Variants in TSPAN6 observed in about 807,000 individuals in gnomAD.
The protein encoded by TSPAN6 is tetraspanin 6.
In TSPAN6, 13 loss-of-function variants were observed where a neutral mutation model predicts 18.0. The observed-to-expected ratio is 0.72, with a 90% CI of 0.47 to 1.15. The LOEUF is 1.15. Among genes scored for constraint, TSPAN6 ranks in the 50% most tolerant of loss-of-function variants. The probability of loss-of-function intolerance (pLI) is 0.00; values close to 1 mark genes in which losing one functional copy is unlikely to be tolerated. For synonymous variants in TSPAN6, 82 were observed against 67.0 expected, an observed-to-expected ratio of 1.22 and a Z score of -1.09; for missense variants, 186 against 183.9, an observed-to-expected ratio of 1.01 and a Z score of -0.07.
In TSPAN6 at chrX:100,635,257, A is replaced by T; in HGVS notation, c.277-5T>A. 8.5e-7 allele frequency: 1 copy of T among 1,171,597 alleles called. No homozygotes were observed. Among genetic ancestry groups the T allele is most frequent in the Non-Finnish European group, 1.2e-6 (1 of 865,704 alleles). The stretch of plus-strand genomic sequence containing the variant: ...GAGAGTCAGAAACATTGCATACTGC[A>T]GGATAAGAAAGAAAGTCCAAGTCAG... On this transcript the variant is annotated splice_region_variant and splice_polypyrimidine_tract_variant and intron_variant, in intron 2 of 7. Coordinates refer to ENST00000373020, the MANE Select transcript of TSPAN6 (RefSeq NM_003270.4).
chrX:100,635,394 T>C, intron 2 of TSPAN6, 142 bp from the exon 3 acceptor site: 1 of 648,608 alleles, frequency 1.5e-6, no homozygotes, highest in South Asian at 3.2e-5. Context: ...TAACAACATG[T>C]CTATTTTGAA....
At chrX:100,632,405 CAAAA>C (rs368085755) in intron 6 of TSPAN6, 76 bp downstream of exon 6, 2 of 646,050 alleles carry the variant, frequency 3.1e-6, no homozygotes, top group Non-Finnish European at 4.5e-6. Flanking sequence ...GACTCCATCT[CAAAA>C]AAAAAAAAGT....
At chrX:100,632,626 T>A in intron 5 of TSPAN6, 58 bp from the exon 6 acceptor site, 1 of 809,389 alleles carries the variant, frequency 1.2e-6, no homozygotes, top group Non-Finnish European at 1.8e-6. Flanking sequence ...TGCTTTTCTT[T>A]ATGGTAATAA....
In TSPAN6 at chrX:100,627,114, G is replaced by C. The variant is rs2083029557; in HGVS notation, c.*2912C>G. 1 of 111,653 alleles carries C rather than the reference G, an allele frequency of 9.0e-6. No individual in the cohort carries two copies. Among genetic ancestry groups the C allele is most frequent in the African/African-American group, 3.3e-5 (1 of 30,685 alleles). 9.2% of individuals were successfully genotyped at this position (111,653 alleles called of 1,213,427 possible). On this transcript the variant is annotated 3_prime_UTR_variant, in exon 8 of 8. Transcript: ENST00000373020. ...AAACCAGAAATGGTATTTATACCTT[G>C]TATTAGGTATTTATTTCCACAAAAG...
chrX:100,632,426 C>T, intron 6 of TSPAN6, 59 bp downstream of exon 6: 1 of 920,275 alleles, frequency 1.1e-6, no homozygotes, highest in Non-Finnish European at 1.5e-6. Flanking sequence ...AAGTGAAAAT[C>T]TTCTAGCTTA....
chrX:100,633,631 A>G (rs189643288), intron 4 of TSPAN6, 92 bp from the exon 5 acceptor site: 35 of 891,816 alleles, frequency 3.9e-5, no homozygotes, highest in African/African-American at 2.0e-5. Flanking sequence ...TTGTGCTCAA[A>G]ACATTTACTA....
intron 4 of TSPAN6, among the ~76,000 whole-genome samples, 187 bp from the exon 5 acceptor site, chrX:100,633,726 C>T (rs1384177418): frequency 9.1e-6 from 1 of 109,978 alleles, no homozygotes; most frequent in Admixed American, 9.9e-5. Context: ...TTTGTATTGG[C>T]CTTACTTTCC....
At chrX:100,635,506 T>C in intron 2 of TSPAN6, 52 bp downstream of exon 2, 2 of 1,068,975 alleles carry the variant, frequency 1.9e-6, no homozygotes, top group Non-Finnish European at 1.3e-6. Context: ...TTCTATAACA[T>C]ACAAAACTTT....
rs955038186 is a variant in TSPAN6, at chrX:100,629,579, C to G, written c.*447G>C. On this transcript the variant is annotated 3_prime_UTR_variant, in exon 8 of 8. Transcript: ENST00000373020. ...ATTTTCTATCACACTACATCAATAG[C>G]AAAGTCAGAGGAATCAATTTTCCAT... The G allele has an allele frequency of 8.9e-6, 1 of 112,282 alleles. No individual in the cohort carries two copies. Among genetic ancestry groups the G allele is most frequent in the African/African-American group, 3.2e-5 (1 of 30,861 alleles). 9.3% of individuals were successfully genotyped at this position (112,282 alleles called of 1,213,427 possible). A position where few individuals can be genotyped will look rare whatever the true frequency, so the allele number is the denominator to read the frequency against.
rs2083038537 is a variant in TSPAN6 at position 100,628,500 on chromosome X, A to G, written c.*1526T>C. ...GCAATCAGACTAGACAGGTTCTACT[A>G]ATGGATGTATAAAGAGACTCAAAAC... On this transcript the variant is annotated 3_prime_UTR_variant, in exon 8 of 8. Transcript: ENST00000373020. 1 of 111,871 alleles carries G rather than the reference A, an allele frequency of 8.9e-6. No individual in the cohort carries two copies. The highest frequency in any genetic ancestry group is 3.3e-5 in the African/African-American group (1 of 30,769). The allele number at this position is 111,871 out of a possible 1,213,427, so 9.2% of individuals were successfully genotyped here. A position where few individuals can be genotyped will look rare whatever the true frequency, so the allele number is the denominator to read the frequency against.
intron 3 of TSPAN6, among the ~76,000 whole-genome samples, chrX:100,634,902 CAA>C (rs1177856664): frequency 8.9e-6 from 1 of 111,990 alleles, no homozygotes; most frequent in Non-Finnish European, 1.9e-5. Context: ...TTCCTATCAG[CAA>C]AGTTATAAAT....
At chrX:100,631,492 A>T (rs910535320) in intron 6 of TSPAN6, among the ~76,000 whole-genome samples, 4 of 110,774 alleles carry the variant, frequency 3.6e-5, no homozygotes, top group African/African-American at 9.8e-5. Flanking sequence ...TGTTTAATAT[A>T]AAAAAAAACG....
rs368581849 is a variant in TSPAN6 at position 100,636,739 on chromosome X, C to G, written c.-45G>C. 2.6e-6 allele frequency: 3 copies of G among 1,158,777 alleles called. No individual in the cohort carries two copies. Among genetic ancestry groups the G allele is most frequent in the Non-Finnish European group, 3.5e-6 (3 of 868,891 alleles). ...ACCACCGCACCGGGCGATTGGAACA[C>G]AGAGAGCGAGACGCGGAGTCCCCGA... On this transcript the variant is annotated 5_prime_UTR_variant, in exon 1 of 8. Transcript: ENST00000373020.
At chrX:100,634,497 GC>G (rs2083080970) in intron 3 of TSPAN6, among the ~76,000 whole-genome samples, 1 of 109,726 alleles carries the variant, frequency 9.1e-6, no homozygotes, top group African/African-American at 3.3e-5. Flanking sequence ...TCAGTATTAA[GC>G]TTTTTTTTTT....
chrX:100,630,573 G>A (rs889300143), intron 7 of TSPAN6, among the ~76,000 whole-genome samples, 186 bp downstream of exon 7: 1 of 112,307 alleles, frequency 8.9e-6, no homozygotes, highest in African/African-American at 3.2e-5. Flanking sequence ...CTGTAGCTAA[G>A]TCATTACTTT....
chrX:100,633,844 G>A, intron 4 of TSPAN6, 87 bp downstream of exon 4: 1 of 669,789 alleles, frequency 1.5e-6, no homozygotes, highest in Non-Finnish European at 2.3e-6. Flanking sequence ...TTCCCCTACA[G>A]GTGGATAACA....
rs2083089351 is a variant in TSPAN6, at chrX:100,635,654, G to T, written c.180C>A (p.Val60=). 8.3e-7 allele frequency: 1 copy of T among 1,198,700 alleles called. No individual in the cohort carries two copies. Among genetic ancestry groups the T allele is most frequent in the African/African-American group, 1.7e-5 (1 of 57,612 alleles). The change falls in exon 2 of 8, where the codon GTC becomes GTA. Residue 60 remains valine, a synonymous_variant. Transcript: ENST00000373020. ...TACCAGTAGCAATGAGCACGAAGGG[G>T]ACATTGGTGGCCTTCTCATTTAAAA... is the stretch of plus-strand genomic sequence containing the variant. ...FSLLNEKATN[V]PFVLIATGTV...
rs2083055005 is a variant in TSPAN6 at position 100,630,921 on chromosome X, T to A, written c.670-55A>T. On this transcript the variant is annotated intron_variant, in intron 6 of 7. Transcript: ENST00000373020. ...ACATACACAAAAGAACTTGAACACC[T>A]CAGACTATATTCTCCTCTCACTTGT... is the stretch of plus-strand genomic sequence containing the variant. 24 of 889,678 alleles carry A rather than the reference T, an allele frequency of 2.7e-5. No homozygotes were observed. In the South Asian group the frequency reaches 5.1e-4, roughly 19 times the overall value. The allele number at this position is 889,678 out of a possible 1,213,427, so 73.3% of individuals were successfully genotyped here.
intron 6 of TSPAN6, 99 bp from the exon 7 acceptor site, chrX:100,630,965 G>A (rs2083055334): frequency 1.4e-5 from 9 of 645,927 alleles, no homozygotes; most frequent in Admixed American, 2.8e-5. Context: ...TATAATTTTC[G>A]TCCTTGAGTT....
Sources: gnomAD v4.1 joint callset for allele counts (sites outside exome capture counted in the v4.1 genomes callset) on GRCh38, gnomAD v4.1.1 for gene constraint, MANE v1.5 for transcripts, NCBI Gene and HGNC (gene_info 2026-07-23, HGNC 2026-07-21) for gene names.